ECE1: variants seen among roughly 807,000 people sequenced by gnomAD.
ECE1 encodes endothelin-converting enzyme 1.
In ECE1, 35 loss-of-function variants were observed where a neutral mutation model predicts 98.6. That is an observed-to-expected ratio of 0.35 (90% CI 0.27 to 0.47). The LOEUF is 0.47. Ranked by LOEUF, ECE1 falls within the 20% of genes least tolerant of loss-of-function variation. The pLI is 1.00. For missense variants in ECE1, 814 were observed against 1,025.3 expected (o/e 0.79, Z 2.81); for synonymous variants, 394 against 407.1 (o/e 0.97, Z 0.39).
intron 10 of ECE1, among the ~76,000 whole-genome samples, chr1:21,243,190 TTCA>T (rs2098198693): frequency 6.6e-6 from 1 of 152,220 alleles, no homozygotes; most frequent in African/African-American, 2.4e-5. Context: ...GAGCCTCGAT[TTCA>T]TCATCTGTAA....
intron 12 of ECE1, among the ~76,000 whole-genome samples, chr1:21,236,328 GA>G (rs2098187963): frequency 6.6e-6 from 1 of 152,268 alleles, no homozygotes; most frequent in African/African-American, 2.4e-5. Context: ...CGCTGAAGGC[GA>G]GACAGCATCC....
chr1:21,333,263 T>C (rs1639240873), intron 1 of ECE1, among the ~76,000 whole-genome samples: 1 of 151,526 alleles, frequency 6.6e-6, no homozygotes, highest in African/African-American at 2.4e-5. Flanking sequence ...GGACCTGCAC[T>C]TAGTGCCTCC....
At chr1:21,248,531 C>T (rs1405295135) in intron 8 of ECE1, among the ~76,000 whole-genome samples, 1 of 152,148 alleles carries the variant, frequency 6.6e-6, no homozygotes, top group African/African-American at 2.4e-5. Context: ...GGCTTCCTCT[C>T]CTCACAGAGG....
chr1:21,244,909 C>T, intron 10 of ECE1, 80 bp downstream of exon 10: 1 of 1,367,354 alleles, frequency 7.3e-7, no homozygotes, highest in East Asian at 2.3e-5. Context: ...TGGCTGAGGT[C>T]CCTTCCTGTG....
chr1:21,231,259 G>T (rs1003808987), intron 14 of ECE1, among the ~76,000 whole-genome samples: 2 of 152,230 alleles, frequency 1.3e-5, no homozygotes, highest in Admixed American at 6.6e-5. Flanking sequence ...GGAGTGCAGT[G>T]AGATGGGTAC....
chr1:21,338,596 T>G (rs1411179867), intron 1 of ECE1, among the ~76,000 whole-genome samples: 1 of 152,238 alleles, frequency 6.6e-6, no homozygotes, highest in African/African-American at 2.4e-5. Flanking sequence ...TCATCCTGCA[T>G]GTCATTACTG....
At chr1:21,311,876 C>A (rs1638732649) in intron 1 of ECE1, among the ~76,000 whole-genome samples, 1 of 151,970 alleles carries the variant, frequency 6.6e-6, no homozygotes, top group Non-Finnish European at 1.5e-5. Context: ...GTAATCCCAG[C>A]ACTTTGGGAG....
chr1:21,277,792 G>A (rs2098249278), intron 3 of ECE1, among the ~76,000 whole-genome samples: 1 of 152,216 alleles, frequency 6.6e-6, no homozygotes, highest in Admixed American at 6.5e-5. Context: ...TTAAGCACCT[G>A]CTGAGCCAGG....
At chr1:21,312,886 A>T (rs1401022246) in intron 1 of ECE1, among the ~76,000 whole-genome samples, 1 of 152,142 alleles carries the variant, frequency 6.6e-6, no homozygotes, top group African/African-American at 2.4e-5. Context: ...GAATTAAAAT[A>T]GTTCAAAGAC....
At chr1:21,229,663 T>C (rs149966029) in intron 14 of ECE1, among the ~76,000 whole-genome samples, 30 of 152,320 alleles carry the variant, frequency 2.0e-4, no homozygotes, top group African/African-American at 6.3e-4. Flanking sequence ...CCAATAATAA[T>C]GGAAGGTTTT....
chr1:21,319,888 A>C lies in ECE1; in HGVS notation c.3+25488T>G, dbSNP rs1638924738. The stretch of plus-strand genomic sequence containing the variant: ...TCGCCACCCAGGCTGTCTTGAGTCC[A>C]CAGGTGTCCCCACCCCACTCCAGAT... On this transcript the variant is annotated intron_variant, in intron 1 of 18. Coordinates refer to the ECE1 transcript ENST00000415912. The surrounding 1 kb of genome is among the most constrained non-coding windows in gnomAD (Gnocchi z 4.4). 6.6e-6 allele frequency among the ~76,000 whole-genome samples: 1 copy of C among 152,130 alleles called. No homozygotes were observed. Among genetic ancestry groups the C allele is most frequent in the South Asian group, 2.1e-4 (1 of 4,826 alleles).
rs1488909988 is a variant in ECE1, at chr1:21,235,724, C to A, written c.1566+126G>T. The stretch of plus-strand genomic sequence containing the variant: ...GCCTGACCCATACCCAAGCCCCACA[C>A]CACATCATCCCTGTGTGTTTTGACA... On this transcript the variant is annotated intron_variant, in intron 13 of 18. Transcript: ENST00000374893. The surrounding 1 kb of genome is among the most constrained non-coding windows in gnomAD (Gnocchi z 4.2). The A allele has an allele frequency of 4.9e-6, 5 of 1,026,700 alleles. No individual in the cohort carries two copies. Among genetic ancestry groups the A allele is most frequent in the Non-Finnish European group, 7.7e-6 (5 of 650,044 alleles). The allele number at this position is 1,026,700 out of a possible 1,614,324, so 63.6% of individuals were successfully genotyped here.
Position 21,219,759 on chromosome 1 carries a change from C to A in ECE1, c.*196G>T. On this transcript the variant is annotated 3_prime_UTR_variant, in exon 19 of 19. Transcript: ENST00000374893. The surrounding 1 kb of genome is among the most constrained non-coding windows in gnomAD (Gnocchi z 4.5). ...GGCGCACACGTGTGCCTGGGATGTC[C>A]GGCTCTTCACAGGGGATCAGACTGC... 1.5e-6 allele frequency: 1 copy of A among 678,062 alleles called. No individual in the cohort carries two copies. 42.0% of individuals were successfully genotyped at this position (678,062 alleles called of 1,614,324 possible). A position where few individuals can be genotyped will look rare whatever the true frequency, so the allele number is the denominator to read the frequency against.
intron 2 of ECE1, chr1:21,279,618 C>CT: frequency 7.0e-7 from 1 of 1,429,102 alleles, no homozygotes; most frequent in African/African-American, 1.4e-5. Flanking sequence ...AAAACTACAG[C>CT]TTTTCCCTGT....
chr1:21,236,375 C>T (rs959336806), intron 12 of ECE1, among the ~76,000 whole-genome samples: 6 of 152,254 alleles, frequency 3.9e-5, no homozygotes, highest in Admixed American at 6.5e-5. Context: ...CCTCACCGGG[C>T]GCGGTGGCTT....
rs2098176498 is a variant in ECE1, at chr1:21,227,948, G to A, written c.1764C>T (p.Tyr588=). 2.6e-6 allele frequency: 4 copies of A among 1,554,998 alleles called. No individual in the cohort carries two copies. The African/African-American group carries it at 4.1e-5, about 16-fold the overall frequency. The change falls in exon 15 of 19, where the codon TAC becomes TAT. Residue 588 remains tyrosine, a synonymous_variant. Transcript: ENST00000374893. The part of the protein sequence containing the change: ...FPAGILQAPF[Y]TRSSPKALNF... The stretch of plus-strand genomic sequence containing the variant: ...CAGCCTACTTGGGTGAGGAGCGTGT[G>A]TAGAATGGTGCCTGCAGGATCCCGG...
intron 8 of ECE1, among the ~76,000 whole-genome samples, chr1:21,251,018 G>A (rs1434436882): frequency 1.3e-5 from 2 of 148,794 alleles, no homozygotes; most frequent in African/African-American, 5.0e-5. Flanking sequence ...AAAAAAAAAA[G>A]AGATGCTGAA....
intron 16 of ECE1, among the ~76,000 whole-genome samples, chr1:21,226,546 A>C (rs1219815245): frequency 6.6e-6 from 1 of 152,162 alleles, no homozygotes; most frequent in African/African-American, 2.4e-5. Flanking sequence ...TGATTGGCCC[A>C]GTCTAAAGGG....
rs534805741 is a variant in ECE1, at chr1:21,319,211, G to A, written c.3+26165C>T. Among the ~76,000 whole-genome samples the A allele has an allele frequency of 6.6e-6, 1 of 152,120 alleles. No individual in the cohort carries two copies. The highest frequency in any genetic ancestry group is 1.9e-4 in the East Asian group (1 of 5,182). ...ATACAAAAAAGTAGCCAGGCGTGGT[G>A]GTGTGCGTCTATAATCCCAGCTACT... is the stretch of plus-strand genomic sequence containing the variant. On this transcript the variant is annotated intron_variant, in intron 1 of 18. Transcript: ENST00000415912. The surrounding 1 kb of genome is among the most constrained non-coding windows in gnomAD (Gnocchi z 4.4).
Sources: allele counts gnomAD v4.1 joint callset (sites outside exome capture counted in the v4.1 genomes callset), GRCh38; gene constraint gnomAD v4.1.1; non-coding constraint Gnocchi (gnomAD v3.1); transcripts MANE v1.5; gene names NCBI Gene and HGNC (gene_info 2026-07-23, HGNC 2026-07-21).